Variants in TMC1 observed in about 807,000 individuals in gnomAD.
The protein encoded by TMC1 is transmembrane channel like 1.
Under a neutral mutation model 105.8 loss-of-function variants are expected in TMC1, and 84 were observed. The observed-to-expected ratio is 0.79, with a 90% CI of 0.67 to 0.95. TMC1 has a LOEUF of 0.95. Ranked by LOEUF, TMC1 falls within the 40% of genes least tolerant of loss-of-function variation. TMC1 has a pLI of 0.00. For missense variants in TMC1, 817 were observed against 914.1 expected (o/e 0.89, Z 1.37); for synonymous variants, 315 against 311.5 (o/e 1.01, Z -0.12).
chr9:72,766,062 C>T (rs1316159787), intron 12 of TMC1, among the ~76,000 whole-genome samples: 2 of 152,066 alleles, frequency 1.3e-5, no homozygotes, highest in Non-Finnish European at 2.9e-5. Context: ...TATAAAACAG[C>T]AGTATTAATA....
At chr9:72,581,055 T>G (rs1180458495) in intron 2 of TMC1, among the ~76,000 whole-genome samples, 1 of 152,228 alleles carries the variant, frequency 6.6e-6, no homozygotes, top group Non-Finnish European at 1.5e-5. Context: ...TAAAACAGTT[T>G]GATCCTAACT....
chr9:72,651,818 A>G (rs1825818338), intron 5 of TMC1, among the ~76,000 whole-genome samples: 1 of 151,988 alleles, frequency 6.6e-6, no homozygotes, highest in Admixed American at 6.6e-5. Flanking sequence ...TACATGAATA[A>G]GTTCTTTAGT....
chr9:72,535,029 G>A (rs925849502), intron 1 of TMC1, among the ~76,000 whole-genome samples: 15 of 136,996 alleles, frequency 1.1e-4, no homozygotes, highest in African/African-American at 5.7e-5. Flanking sequence ...AAAGGCAGTC[G>A]ATTCATGGAT....
chr9:72,635,687 T>C (rs1825521571), intron 4 of TMC1, among the ~76,000 whole-genome samples: 2 of 152,172 alleles, frequency 1.3e-5, no homozygotes, highest in South Asian at 4.1e-4. Context: ...AATAGGAGTT[T>C]AAAGTAAGCA....
At position 72,679,411 on chromosome 9, in the gene TMC1, C is replaced by T. The variant is rs577094243; in HGVS notation, c.17-9298C>T. 8.6e-5 allele frequency among the ~76,000 whole-genome samples: 13 copies of T among 151,702 alleles called. No individual in the cohort carries two copies. In the East Asian group the frequency reaches 2.3e-3, roughly 27 times the overall value. On this transcript the variant is annotated intron_variant, in intron 5 of 23. Transcript: ENST00000297784. ...CCACCTTCTTCTGTTTCCTATTGCC[C>T]AACTGGCTTCACTTAAACAAGAGCA...
intron 12 of TMC1, among the ~76,000 whole-genome samples, chr9:72,770,163 CCT>C (rs1411364538): frequency 6.6e-6 from 1 of 151,836 alleles, no homozygotes; most frequent in Non-Finnish European, 1.5e-5. Context: ...TCACCCACTC[CCT>C]CTGCTTGAGG....
intron 18 of TMC1, among the ~76,000 whole-genome samples, chr9:72,810,590 A>T (rs1828686354): frequency 6.6e-6 from 1 of 152,132 alleles, no homozygotes; most frequent in African/African-American, 2.4e-5. Flanking sequence ...ATATACACAT[A>T]TATACTTTTG....
chr9:72,815,893 A>G (rs968344050), intron 18 of TMC1, among the ~76,000 whole-genome samples: 2 of 152,184 alleles, frequency 1.3e-5, no homozygotes, highest in Non-Finnish European at 2.9e-5. Flanking sequence ...CCAGCAGTGT[A>G]TAAGGGAGCC....
At chr9:72,584,784 C>CTTTTT (rs71357591) in intron 2 of TMC1, among the ~76,000 whole-genome samples, 136 of 112,896 alleles carry the variant, frequency 1.2e-3, no homozygotes, top group Non-Finnish European at 1.6e-3. Flanking sequence ...CTTTTCTTTT[C>CTTTTT]TTTTTTTTTT....
chr9:72,529,593 C>CA (rs1210608730), intron 1 of TMC1, among the ~76,000 whole-genome samples: 8 of 150,934 alleles, frequency 5.3e-5, no homozygotes, highest in Non-Finnish European at 8.8e-5. Context: ...TTAGTTAAGA[C>CA]AAAAAAATCT....
At chr9:72,713,661 CT>C (rs1326130057) in intron 8 of TMC1, among the ~76,000 whole-genome samples, 1 of 150,548 alleles carries the variant, frequency 6.6e-6, no homozygotes, top group African/African-American at 2.4e-5. Context: ...ATTTTTCTCT[CT>C]TTTCTTCTTT....
At chr9:72,566,915 G>T (rs1587962254) in intron 1 of TMC1, among the ~76,000 whole-genome samples, 1 of 152,290 alleles carries the variant, frequency 6.6e-6, no homozygotes, top group East Asian at 1.9e-4. Flanking sequence ...ACATATTATA[G>T]CAAGAGAGAT....
At position 72,791,967 on chromosome 9, in the gene TMC1, C is replaced by G; in HGVS notation, c.1306C>G (p.Leu436Val). The change falls in exon 16 of 24, where the codon CTC (leucine) becomes GTC (valine). Residue 436 changes from leucine to valine, a missense_variant. By Grantham distance (32) the Leu-to-Val change is conservative. Coordinates refer to ENST00000297784, the MANE Select transcript of TMC1 (RefSeq NM_138691.3). Reference protein sequence around the residue: ...LFAELEDYHPLIALKWLLGRI... With the variant: ...LFAELEDYHPVIALKWLLGRI... The stretch of plus-strand genomic sequence containing the variant: ...TGCTGAATTAGAAGACTACCATCCT[C>G]TCATCGCTTTGAAATGGCTACTGGG... The G allele has an allele frequency of 6.2e-7, 1 of 1,614,056 alleles. No individual in the cohort carries two copies. Among genetic ancestry groups the G allele is most frequent in the Non-Finnish European group, 8.5e-7 (1 of 1,179,956 alleles).
intron 12 of TMC1, among the ~76,000 whole-genome samples, chr9:72,768,302 A>C (rs570787519): frequency 6.6e-6 from 1 of 151,324 alleles, no homozygotes; most frequent in African/African-American, 2.4e-5. Context: ...GGAAGGGAAC[A>C]TCACACACTG....
Position 72,836,139 on chromosome 9 carries a change from C to A in TMC1, c.*166C>A. The A allele has an allele frequency of 1.3e-6, 1 of 776,306 alleles. No individual in the cohort carries two copies. Among genetic ancestry groups the A allele is most frequent in the Non-Finnish European group, 2.3e-6 (1 of 440,040 alleles). 48.1% of individuals were successfully genotyped at this position (776,306 alleles called of 1,614,324 possible). On this transcript the variant is annotated 3_prime_UTR_variant, in exon 24 of 24. Coordinates refer to ENST00000297784, the MANE Select transcript of TMC1 (RefSeq NM_138691.3). ...CCAATTAAGGCATCATCAGTCCTAC[C>A]TGAGCAACAAGAATCTAAACTTTAT...
At position 72,832,455 on chromosome 9, in the gene TMC1, A is replaced by T. The variant is rs180716963; in HGVS notation, c.2260+1773A>T. ...CCTCTCCTCCTTTCAGATTGGCCCC[A>T]TATGGGTCATGTATCCATCCTTGTG... is the stretch of plus-strand genomic sequence containing the variant. On this transcript the variant is annotated intron_variant, in intron 23 of 23. Coordinates refer to ENST00000297784, the MANE Select transcript of TMC1 (RefSeq NM_138691.3). 2.0e-4 allele frequency among the ~76,000 whole-genome samples: 31 copies of T among 152,260 alleles called. 1 individual carries two copies. The highest frequency in any genetic ancestry group is 7.5e-4 in the African/African-American group (31 of 41,558).
chr9:72,664,553 G>A (rs773421643), intron 5 of TMC1, among the ~76,000 whole-genome samples: 1 of 152,164 alleles, frequency 6.6e-6, no homozygotes, highest in African/African-American at 2.4e-5. Context: ...AAACAGAAGA[G>A]CAGAGGAGCA....
chr9:72,728,159 G>A (rs1458087770), intron 8 of TMC1, among the ~76,000 whole-genome samples: 4 of 152,124 alleles, frequency 2.6e-5, no homozygotes, highest in African/African-American at 4.8e-5. Context: ...ACTGAAAGAG[G>A]AGGTTAGAAC....
intron 1 of TMC1, among the ~76,000 whole-genome samples, chr9:72,560,109 T>A (rs547937219): frequency 3.3e-5 from 5 of 152,356 alleles, no homozygotes; most frequent in Non-Finnish European, 5.9e-5. Flanking sequence ...TGTTTGCTTG[T>A]AGCTTTCAGC....
Sources: gnomAD v4.1 joint callset for allele counts (sites outside exome capture counted in the v4.1 genomes callset) on GRCh38, gnomAD v4.1.1 for gene constraint, MANE v1.5 for transcripts, NCBI Gene and HGNC (gene_info 2026-07-23, HGNC 2026-07-21) for gene names.